DOCK4: variants seen among roughly 807,000 people sequenced by gnomAD.
The protein encoded by DOCK4 is dedicator of cytokinesis protein 4.
DOCK4 carries 97 observed loss-of-function variants against 268.1 expected under a neutral mutation model. That is an observed-to-expected ratio of 0.36 (90% confidence interval 0.31 to 0.43). DOCK4 has a LOEUF of 0.43. Among genes scored for constraint, DOCK4 ranks in the 20% least tolerant of loss-of-function variants. The pLI is 1.00. For synonymous variants in DOCK4, 954 were observed against 887.2 expected, an observed-to-expected ratio of 1.08 and a Z score of -1.34; for missense variants, 2,145 against 2,455.7, an observed-to-expected ratio of 0.87 and a Z score of 2.67.
At chr7:112,070,486 T>C (rs924161008) in intron 1 of DOCK4, among the ~76,000 whole-genome samples, 1 of 152,134 alleles carries the variant, frequency 6.6e-6, no homozygotes, top group Admixed American at 6.5e-5. Flanking sequence ...CTAATATTTC[T>C]CAGGGAAATA....
chr7:111,963,092 G>C (rs183187884), intron 8 of DOCK4, among the ~76,000 whole-genome samples: 1 of 152,182 alleles, frequency 6.6e-6, no homozygotes, highest in East Asian at 1.9e-4. Flanking sequence ...AACCGATGAA[G>C]CCCTAGAGTA....
intron 11 of DOCK4, among the ~76,000 whole-genome samples, chr7:111,937,054 A>T (rs1794801487): frequency 6.6e-6 from 1 of 152,192 alleles, no homozygotes; most frequent in South Asian, 2.1e-4. Flanking sequence ...GCTTCCTATT[A>T]GATAGTTAAG....
intron 10 of DOCK4, among the ~76,000 whole-genome samples, chr7:111,942,777 C>T (rs1795312766): frequency 6.6e-6 from 1 of 152,174 alleles, no homozygotes; most frequent in South Asian, 2.1e-4. Flanking sequence ...GTGCGTCCAA[C>T]CCTAGCAAAT....
chr7:111,960,505 C>T lies in DOCK4; in HGVS notation c.702-14707G>A, dbSNP rs188779075. On this transcript the variant is annotated intron_variant, in intron 8 of 52. Transcript: ENST00000428084. ...AGCTAACCTACCATGAGGTAAAACA[C>T]GTGCTTTACCTCATGTGCTTTTTTT... 3.4e-5 allele frequency among the ~76,000 whole-genome samples: 5 copies of T among 147,334 alleles called. No homozygotes were observed. In the East Asian group the frequency reaches 7.9e-4, roughly 23 times the overall value.
chr7:112,166,118 T>G (rs374915175), intron 1 of DOCK4, among the ~76,000 whole-genome samples: 8 of 152,280 alleles, frequency 5.3e-5, no homozygotes, highest in African/African-American at 1.9e-4. Flanking sequence ...GCAAAGAAAG[T>G]GAGGAGCTTT....
chr7:111,886,719 T>C lies in DOCK4; in HGVS notation c.1587+8893A>G, dbSNP rs373274017. Among the ~76,000 whole-genome samples the C allele has an allele frequency of 3.9e-5, 6 of 152,158 alleles. No individual in the cohort carries two copies. In the East Asian group the frequency reaches 7.7e-4, roughly 20 times the overall value. On this transcript the variant is annotated intron_variant, in intron 16 of 52. Coordinates refer to ENST00000428084, the MANE Select transcript of DOCK4 (RefSeq NM_001363540.2). ...TTCAACGCAATGTGGGATCTTGGAATGGATCCTGGAACAGAAAAAATGACA... is the reference window on the plus strand; with the variant it reads ...TTCAACGCAATGTGGGATCTTGGAACGGATCCTGGAACAGAAAAAATGACA...
intron 13 of DOCK4, among the ~76,000 whole-genome samples, chr7:111,914,082 C>T (rs891493524): frequency 2.6e-5 from 4 of 152,070 alleles, no homozygotes; most frequent in African/African-American, 2.4e-5. Flanking sequence ...GAAATTTTAA[C>T]GAGACTCCTT....
intron 12 of DOCK4, among the ~76,000 whole-genome samples, chr7:111,923,930 A>G (rs1793376277): frequency 6.6e-6 from 1 of 152,222 alleles, no homozygotes; most frequent in Non-Finnish European, 1.5e-5. Flanking sequence ...CATTTTTTAA[A>G]AGAATTTTAG....
intron 1 of DOCK4, among the ~76,000 whole-genome samples, chr7:112,019,212 T>C (rs1432106704): frequency 6.6e-6 from 1 of 152,170 alleles, no homozygotes; most frequent in African/African-American, 2.4e-5. Context: ...GGATGAGACA[T>C]ATTGTTCCTT....
chr7:112,204,970 A>G (rs1821266251), intron 1 of DOCK4, among the ~76,000 whole-genome samples: 1 of 152,004 alleles, frequency 6.6e-6, no homozygotes, highest in Admixed American at 6.6e-5. Flanking sequence ...TAAAATCCAT[A>G]ATGCTTTCTG....
At chr7:111,801,057 AT>A (rs976469348) in intron 30 of DOCK4, among the ~76,000 whole-genome samples, 1 of 152,184 alleles carries the variant, frequency 6.6e-6, no homozygotes, top group African/African-American at 2.4e-5. Flanking sequence ...AATGCCAGTG[AT>A]TAAAAACTAG....
At chr7:111,811,179 A>G (rs973439633) in intron 28 of DOCK4, among the ~76,000 whole-genome samples, 3 of 151,888 alleles carry the variant, frequency 2.0e-5, no homozygotes, top group African/African-American at 7.3e-5. Flanking sequence ...TGTAACTATT[A>G]AAATTCCTTT....
intron 15 of DOCK4, among the ~76,000 whole-genome samples, chr7:111,897,081 T>C (rs936480129): frequency 6.6e-6 from 1 of 152,140 alleles, no homozygotes; most frequent in African/African-American, 2.4e-5. Context: ...ATAGCTCTTG[T>C]ATCCTTTATA....
In DOCK4 at chr7:111,977,133, T is replaced by C; in HGVS notation, c.700A>G (p.Ser234Gly). 6.2e-7 allele frequency: 1 copy of C among 1,613,148 alleles called. No individual in the cohort carries two copies. The highest frequency in any genetic ancestry group is 8.5e-7 in the Non-Finnish European group (1 of 1,179,580). The part of the protein sequence containing the change: ...LFDSKENRPI[S>G]ERFFLRLNRN... ...AACCCTATCTCCACGTGCAGGTACCTGATTGGCCGGTTCTCTTTACTGTCA... is the reference window on the plus strand; with the variant it reads ...AACCCTATCTCCACGTGCAGGTACCCGATTGGCCGGTTCTCTTTACTGTCA... Residue 234 changes from serine to glycine, a missense_variant and splice_region_variant, in exon 8 of 53, where the codon AGT becomes GGT. Coordinates refer to ENST00000428084, the MANE Select transcript of DOCK4 (RefSeq NM_001363540.2).
chr7:111,736,088 T>A (rs1795453375), intron 50 of DOCK4, among the ~76,000 whole-genome samples: 1 of 152,216 alleles, frequency 6.6e-6, no homozygotes, highest in Non-Finnish European at 1.5e-5. Context: ...TGTTTTAAAA[T>A]AATTTTGCCT....
rs142238611 is a variant in DOCK4 at position 112,124,934 on chromosome 7, A to G, written c.37+81168T>C. ...GTGCTAAGAACTAAATAACAGACTT[A>G]GATGAGATATTCATATAAACATGAG... On this transcript the variant is annotated intron_variant, in intron 1 of 52. Coordinates refer to ENST00000428084, the MANE Select transcript of DOCK4 (RefSeq NM_001363540.2). 3.0e-3 allele frequency among the ~76,000 whole-genome samples: 453 copies of G among 152,318 alleles called. 1 individual carries two copies. Among genetic ancestry groups the G allele is most frequent in the African/African-American group, 0.01 (419 of 41,564 alleles).
At chr7:111,823,345 C>G (rs1287463552) in intron 26 of DOCK4, among the ~76,000 whole-genome samples, 1 of 151,154 alleles carries the variant, frequency 6.6e-6, no homozygotes, top group Non-Finnish European at 1.5e-5. Flanking sequence ...TAGCTGAGAC[C>G]ACAGGCGCCT....
chr7:111,946,338 T>G (rs1795617375), intron 8 of DOCK4, among the ~76,000 whole-genome samples: 1 of 152,168 alleles, frequency 6.6e-6, no homozygotes, highest in Non-Finnish European at 1.5e-5. Flanking sequence ...GATCTCAAAC[T>G]ACCCCCACTA....
intron 26 of DOCK4, among the ~76,000 whole-genome samples, chr7:111,831,234 C>T (rs1802787375): frequency 6.6e-6 from 1 of 152,158 alleles, no homozygotes; most frequent in Non-Finnish European, 1.5e-5. Flanking sequence ...AATGGCACCA[C>T]ACCAACACCC....
Sources: allele counts gnomAD v4.1 joint callset (sites outside exome capture counted in the v4.1 genomes callset), GRCh38; gene constraint gnomAD v4.1.1; transcripts MANE v1.5; gene names NCBI Gene and HGNC (gene_info 2026-07-23, HGNC 2026-07-21).